The following SPTAN1 variants were observed in gnomAD, a reference collection of about 807,000 sequenced individuals.
SPTAN1 encodes the protein spectrin alpha chain, non-erythrocytic 1.
Under a neutral mutation model 331.3 loss-of-function variants are expected in SPTAN1, and 61 were observed. The ratio of observed to expected loss-of-function variants is 0.18; its 90% confidence interval spans 0.15 to 0.23. The LOEUF (loss-of-function observed/expected upper bound fraction) is 0.23, where lower values mean the gene tolerates loss of function less well. Among genes scored for constraint, SPTAN1 ranks in the 10% least tolerant of loss-of-function variants. The probability of loss-of-function intolerance (pLI) is 1.00; values close to 1 mark genes in which losing one functional copy is unlikely to be tolerated. For missense variants in SPTAN1, 2,043 were observed against 3,147.9 expected, an observed-to-expected ratio of 0.65 and a Z score of 8.40; for synonymous variants, 1,153 against 1,173.9, an observed-to-expected ratio of 0.98 and a Z score of 0.36.
chr9:128,584,940 T>G, intron 18 of SPTAN1, 97 bp downstream of exon 18: 1 of 1,412,714 alleles, frequency 7.1e-7, no homozygotes, highest in African/African-American at 1.4e-5. Context: ...AACCAGGCTC[T>G]GGGGCTGAAT....
chr9:128,591,410 G>A lies in SPTAN1; in HGVS notation c.3007-67G>A, dbSNP rs545666174. On this transcript the variant is annotated intron_variant, in intron 21 of 56. Coordinates refer to ENST00000372739, the MANE Select transcript of SPTAN1 (RefSeq NM_001130438.3). Reference sequence around the variant, plus strand: ...AACGCTCTCGTGTGTGTGTATACACGTGACCTCCTTGGATTCTCCCTCTCA... The same window carrying A: ...AACGCTCTCGTGTGTGTGTATACACATGACCTCCTTGGATTCTCCCTCTCA... 6.1e-4 allele frequency: 979 copies of A among 1,605,662 alleles called. 14 individuals are homozygous for A. In the South Asian group the frequency reaches 6.3e-3, roughly 10 times the overall value.
At chr9:128,599,482 G>GTTT (rs111285612) in intron 26 of SPTAN1, 15 of 151,444 alleles carry the variant, frequency 9.9e-5, no homozygotes, top group East Asian at 7.5e-4. Context: ...AAAAAAGTTG[G>GTTT]TTTTTTTTTT....
chr9:128,611,979 G>A (rs1856621539), intron 38 of SPTAN1, 130 bp from the exon 39 acceptor site: 1 of 1,600,292 alleles, frequency 6.2e-7, no homozygotes, highest in Non-Finnish European at 8.5e-7. Context: ...TTACAGATGG[G>A]GAATGCTAGT....
intron 34 of SPTAN1, 95 bp downstream of exon 34, chr9:128,608,371 A>T: frequency 6.8e-7 from 1 of 1,474,304 alleles, no homozygotes; most frequent in Admixed American, 1.8e-5. Flanking sequence ...TCCAAGGAAT[A>T]CCTGCGTTGT....
At chr9:128,562,106 A>T (rs2132822571) in intron 1 of SPTAN1, among the ~76,000 whole-genome samples, 2 of 152,124 alleles carry the variant, frequency 1.3e-5, no homozygotes, top group East Asian at 1.9e-4. Context: ...GGACTCAGAG[A>T]TCTGTATGAT....
In SPTAN1 at chr9:128,581,777, G is replaced by T; in HGVS notation, c.1462-5G>T. ...TATTCTGAACACTTTGTTTCCTTTG[G>T]CAAGGCGTTCCTGTTGAATGAAGAC... On this transcript the variant is annotated splice_polypyrimidine_tract_variant and splice_region_variant and intron_variant, in intron 11 of 56. Transcript: ENST00000372739. 2.5e-6 allele frequency: 4 copies of T among 1,610,044 alleles called. No homozygotes were observed. The highest frequency in any genetic ancestry group is 1.1e-5 in the South Asian group (1 of 90,994).
rs546203862 is a variant in SPTAN1, at chr9:128,570,645, CTTAT to C, written c.363+1771_363+1774del. Among the ~76,000 whole-genome samples, 16 of 149,814 alleles carry C rather than the reference CTTAT, an allele frequency of 1.1e-4. No homozygotes were observed. The South Asian group carries it at 1.9e-3, about 18-fold the overall frequency. ...GAGCCACCGTGCCCAGCCCAGATGG[CTTAT>C]TTATTTATTTATTTATTTATTTTTG... On this transcript the variant is annotated intron_variant, in intron 3 of 56. Coordinates refer to ENST00000372739, the MANE Select transcript of SPTAN1 (RefSeq NM_001130438.3).
At chr9:128,598,670 T>C in intron 25 of SPTAN1, 166 bp downstream of exon 25, 1 of 704,520 alleles carries the variant, frequency 1.4e-6, no homozygotes, top group South Asian at 1.5e-5. Flanking sequence ...AACTTCTTTA[T>C]ACCCATATCC....
At position 128,609,299 on chromosome 9, in the gene SPTAN1, C is replaced by T; in HGVS notation, c.4758+15C>T. The T allele has an allele frequency of 6.2e-7, 1 of 1,614,184 alleles. No homozygotes were observed. Among genetic ancestry groups the T allele is most frequent in the South Asian group, 1.1e-5 (1 of 91,088 alleles). ...CCAACATCCAGGTAAGCTGAAGTGACTGGGTGTTGGTCTTGATGTAGCCTT... is the reference window on the plus strand; with the variant it reads ...CCAACATCCAGGTAAGCTGAAGTGATTGGGTGTTGGTCTTGATGTAGCCTT... On this transcript the variant is annotated intron_variant, in intron 36 of 56. Transcript: ENST00000372739.
Position 128,574,825 on chromosome 9 carries a change from G to T in SPTAN1, c.504+10G>T, listed in dbSNP as rs749280573. ...CTGGATCAATGACAAGGCACGTTTT[G>T]GGAAGAAGGGTTTGCTAAGCTTTAC... is the stretch of plus-strand genomic sequence containing the variant. On this transcript the variant is annotated intron_variant, in intron 4 of 56. Coordinates refer to ENST00000372739, the MANE Select transcript of SPTAN1 (RefSeq NM_001130438.3). 1.9e-6 allele frequency: 3 copies of T among 1,613,914 alleles called. No individual in the cohort carries two copies. The East Asian group carries it at 6.7e-5, about 36-fold the overall frequency.
rs144000726 is a variant in SPTAN1, at chr9:128,584,287, A to C, written c.2199A>C (p.Arg733=). 6.2e-7 allele frequency: 1 copy of C among 1,614,234 alleles called. No homozygotes were observed. The highest frequency in any genetic ancestry group is 1.3e-5 in the African/African-American group (1 of 75,058). Residue 733 remains arginine, a synonymous_variant, in exon 17 of 57, where the codon CGA becomes CGC. Coordinates refer to ENST00000372739, the MANE Select transcript of SPTAN1 (RefSeq NM_001130438.3). The stretch of plus-strand genomic sequence containing the variant: ...CTGTCCTTTTGCATTCCCAGGACCG[A>C]ATTGATGGCATCACCATTCAGGCCC... ...LEADVAAHQD[R]IDGITIQARQ... is the part of the protein sequence containing the mutation.
intron 41 of SPTAN1, among the ~76,000 whole-genome samples, chr9:128,616,403 G>C (rs181578150): frequency 6.6e-6 from 1 of 151,420 alleles, no homozygotes; most frequent in East Asian, 2.0e-4. Flanking sequence ...GTGATCACAG[G>C]CATGAGCCAC....
Position 128,627,873 on chromosome 9 carries a change from T to C in SPTAN1, c.6690-52T>C, listed in dbSNP as rs943643998. The C allele has an allele frequency of 5.0e-6, 8 of 1,609,542 alleles. 1 individual carries two copies. The Admixed American group carries it at 8.3e-5, about 17-fold the overall frequency. ...TTCTCTCTGTCCCCCCGATTGCTGC[T>C]GTTGTCCGGACACCACCTTGTCTCC... On this transcript the variant is annotated intron_variant, in intron 50 of 56. Transcript: ENST00000372739. This position sits in a 1 kb window ranked among gnomAD's most constrained non-coding sequence, Gnocchi z 4.9.
intron 27 of SPTAN1, among the ~76,000 whole-genome samples, chr9:128,602,933 G>A (rs1381163800): frequency 6.6e-6 from 1 of 152,224 alleles, no homozygotes; most frequent in Non-Finnish European, 1.5e-5. Flanking sequence ...AGCATGCCTA[G>A]CCCTAAGGGA....
chr9:128,617,913 C>A, intron 42 of SPTAN1, 74 bp from the exon 43 acceptor site: 1 of 1,613,574 alleles, frequency 6.2e-7, no homozygotes, highest in African/African-American at 1.3e-5. Flanking sequence ...ATGTTGAGGC[C>A]TTTTCCTGGG....
intron 1 of SPTAN1, among the ~76,000 whole-genome samples, chr9:128,556,690 A>G (rs894903519): frequency 6.6e-6 from 1 of 152,222 alleles, no homozygotes; most frequent in Non-Finnish European, 1.5e-5. Context: ...GTTGAAATGA[A>G]TTAATCAGTT....
chr9:128,628,306 C>G (rs541002273), intron 51 of SPTAN1: 4 of 408,056 alleles, frequency 9.8e-6, no homozygotes, highest in Non-Finnish European at 1.9e-5. Flanking sequence ...ACCTCTGCTT[C>G]CCCAGCGAGT....
chr9:128,588,762 A>G (rs1853023823), intron 20 of SPTAN1, 47 bp from the exon 21 acceptor site: 2 of 1,611,288 alleles, frequency 1.2e-6, no homozygotes, highest in South Asian at 2.2e-5. Flanking sequence ...TAGATGACTC[A>G]GCGCGGACGT....
rs556348899 is a variant in SPTAN1 at position 128,577,588 on chromosome 9, C to G, written c.1085+82C>G. 2.8e-5 allele frequency: 44 copies of G among 1,577,932 alleles called. No homozygotes were observed. The African/African-American group carries it at 4.2e-4, about 15-fold the overall frequency. On this transcript the variant is annotated intron_variant, in intron 8 of 56. Coordinates refer to ENST00000372739, the MANE Select transcript of SPTAN1 (RefSeq NM_001130438.3). The surrounding 1 kb of genome is among the most constrained non-coding windows in gnomAD (Gnocchi z 4.2). ...GGAATAGCAGAGTTAAGGGTCTGTTCTGTGTTCTGTGAAAGTGTCAGGTAT... is the reference window on the plus strand; with the variant it reads ...GGAATAGCAGAGTTAAGGGTCTGTTGTGTGTTCTGTGAAAGTGTCAGGTAT...
Sources: gnomAD v4.1 joint callset for allele counts (sites outside exome capture counted in the v4.1 genomes callset) on GRCh38, gnomAD v4.1.1 for gene constraint, Gnocchi (gnomAD v3.1) non-coding constraint, MANE v1.5 for transcripts, NCBI Gene and HGNC (gene_info 2026-07-23, HGNC 2026-07-21) for gene names.